RAB36: variants seen among roughly 807,000 people sequenced by gnomAD.
RAB36 encodes RAB36, member RAS oncogene family.
In RAB36, 33 loss-of-function variants were observed where a neutral mutation model predicts 39.3. The ratio of observed to expected loss-of-function variants is 0.84; its 90% CI spans 0.64 to 1.12. RAB36 has a LOEUF of 1.12. RAB36 is among the 50% of genes most tolerant of loss of function. RAB36 has a pLI of 0.00. For missense variants in RAB36, 308 were observed against 355.3 expected (o/e 0.87, Z 1.07); for synonymous variants, 133 against 140.2 (o/e 0.95, Z 0.36).
At chr22:23,159,101 T>G (rs920511430) in intron 8 of RAB36, 62 bp from the exon 9 acceptor site, 66 of 1,591,072 alleles carry the variant, frequency 4.1e-5, no homozygotes, top group Middle Eastern at 3.3e-4. Flanking sequence ...CAGCTGCCTA[T>G]CCCCCTGGGC....
At position 23,146,705 on chromosome 22, in the gene RAB36, G is replaced by T. The variant is rs775850024; in HGVS notation, c.69+20G>T. On this transcript the variant is annotated intron_variant, in intron 2 of 10. Coordinates refer to ENST00000263116, the MANE Select transcript of RAB36 (RefSeq NM_004914.5). ...CCTAAGGTAGAGAGTCATTACGTCT[G>T]CAGTGCTCTCCTGGCCCTGCAGCCA... 6.2e-7 allele frequency: 1 copy of T among 1,612,636 alleles called. No homozygotes were observed. The highest frequency in any genetic ancestry group is 1.1e-5 in the South Asian group (1 of 91,044).
intron 1 of RAB36, chr22:23,146,014 C>G: frequency 2.0e-6 from 2 of 985,046 alleles, no homozygotes; most frequent in Non-Finnish European, 2.4e-6. Flanking sequence ...CTGTGCCATG[C>G]CTCACAGCCC....
downstream of RAB36, among the ~76,000 whole-genome samples, chr22:23,167,691 ACT>A (rs1365913588): frequency 3.3e-5 from 5 of 151,244 alleles, no homozygotes; most frequent in South Asian, 1.0e-3. Context: ...TCATTCATTA[ACT>A]CTTTTTTTAA....
chr22:23,166,772 G>A (rs964002657), downstream of RAB36, among the ~76,000 whole-genome samples: 1 of 152,120 alleles, frequency 6.6e-6, no homozygotes, highest in African/African-American at 2.4e-5. Flanking sequence ...CCAGAGCCCA[G>A]GTCACCCCTG....
intron 3 of RAB36, among the ~76,000 whole-genome samples, chr22:23,150,395 G>A (rs888304586): frequency 2.7e-4 from 40 of 150,136 alleles, no homozygotes; most frequent in Non-Finnish European, 1.5e-4. Flanking sequence ...TCTGCCTCCC[G>A]GGTTCATGCC....
downstream of RAB36, among the ~76,000 whole-genome samples, chr22:23,169,238 G>A (rs778130844): frequency 1.1e-4 from 17 of 152,200 alleles, no homozygotes; most frequent in African/African-American, 2.4e-4. Flanking sequence ...TCTTTGCTCC[G>A]CACTCTGGCT....
chr22:23,150,207 CA>C lies in RAB36; in HGVS notation c.161+54del. On this transcript the variant is annotated intron_variant, in intron 3 of 10. Coordinates refer to ENST00000263116, the MANE Select transcript of RAB36 (RefSeq NM_004914.5). ...AGCAGGTGGCAAGAAGGAATGAGTGCATGAAGCACGTGAAAGAATGAACAAA... is the reference window on the plus strand; with the variant it reads ...AGCAGGTGGCAAGAAGGAATGAGTGCTGAAGCACGTGAAAGAATGAACAAA... The C allele has an allele frequency of 1.5e-6, 2 of 1,376,310 alleles. 1 individual carries two copies. Among genetic ancestry groups the C allele is most frequent in the Non-Finnish European group, 2.0e-6 (2 of 982,044 alleles). 85.3% of individuals were successfully genotyped at this position (1,376,310 alleles called of 1,614,324 possible).
intron 7 of RAB36, among the ~76,000 whole-genome samples, chr22:23,158,425 AT>A (rs1033605540): frequency 6.6e-6 from 1 of 152,308 alleles, no homozygotes; most frequent in Admixed American, 6.5e-5. Context: ...AGTGACATGA[AT>A]TTGGCACTTG....
intron 6 of RAB36, 28 bp from the exon 7 acceptor site, chr22:23,157,964 T>G: frequency 6.2e-7 from 1 of 1,614,096 alleles, no homozygotes; most frequent in Non-Finnish European, 8.5e-7. Context: ...TGGCACTGAT[T>G]GGCTGTTGGC....
downstream of RAB36, among the ~76,000 whole-genome samples, chr22:23,165,956 C>T (rs1187788713): frequency 3.9e-5 from 6 of 151,992 alleles, no homozygotes; most frequent in Admixed American, 3.3e-4. Flanking sequence ...ACCATCCTGG[C>T]TAACATGGTG....
At position 23,145,501 on chromosome 22, in the gene RAB36, G is replaced by A; in HGVS notation, c.-63G>A. On this transcript the variant is annotated 5_prime_UTR_variant, in exon 1 of 11. Coordinates refer to ENST00000263116, the MANE Select transcript of RAB36 (RefSeq NM_004914.5). ...CGTTGCCATGGTGATCGCCGCCGCT[G>A]GCTCAGGCGGACCAGGCCGCGCGGA... is the stretch of plus-strand genomic sequence containing the variant. 6.2e-7 allele frequency: 1 copy of A among 1,606,914 alleles called. No individual in the cohort carries two copies. Among genetic ancestry groups the A allele is most frequent in the Non-Finnish European group, 8.5e-7 (1 of 1,179,712 alleles).
At chr22:23,157,314 A>G (rs2071510556) in intron 6 of RAB36, among the ~76,000 whole-genome samples, 1 of 151,428 alleles carries the variant, frequency 6.6e-6, no homozygotes, top group Admixed American at 6.6e-5. Context: ...GCAGTGGCGC[A>G]ATCTCGGCTC....
At position 23,149,320 on chromosome 22, in the gene RAB36, T is replaced by C. The variant is rs368215162; in HGVS notation, c.70-743T>C. ...CCTGGGCCAATCCAATGGCAAAAAA[T>C]AATGGTCATCTTTAGTTTGTTTAAT... On this transcript the variant is annotated intron_variant, in intron 2 of 10. Transcript: ENST00000263116. Among the ~76,000 whole-genome samples the C allele has an allele frequency of 9.2e-5, 14 of 152,268 alleles. 1 individual carries two copies. The East Asian group carries it at 9.6e-4, about 10-fold the overall frequency.
At position 23,150,113 on chromosome 22, in the gene RAB36, G is replaced by A. The variant is rs1333859057; in HGVS notation, c.120G>A (p.Gln40=). ...CLQLREHFHG[Q]VSAACQRRNT... is the part of the protein sequence containing the mutation. ...AGCTCAGGGAGCACTTCCACGGGCAGGTCAGCGCTGCCTGCCAACGCAGGA... is the reference window on the plus strand; with the variant it reads ...AGCTCAGGGAGCACTTCCACGGGCAAGTCAGCGCTGCCTGCCAACGCAGGA... The change falls in exon 3 of 11, where the codon CAG becomes CAA. Residue 40 remains glutamine (Q), a synonymous_variant. Coordinates refer to ENST00000263116, the MANE Select transcript of RAB36 (RefSeq NM_004914.5). The A allele has an allele frequency of 1.2e-6, 2 of 1,612,596 alleles. No homozygotes were observed. The highest frequency in any genetic ancestry group is 2.7e-5 in the African/African-American group (2 of 74,930).
chr22:23,161,746 A>C lies in RAB36; in HGVS notation c.*182A>C, dbSNP rs2071820200. 5.1e-6 allele frequency: 3 copies of C among 591,878 alleles called. No homozygotes were observed. In the South Asian group the frequency reaches 6.0e-5, roughly 12 times the overall value. The allele number at this position is 591,878 out of a possible 1,614,324, so 36.7% of individuals were successfully genotyped here. A position where few individuals can be genotyped will look rare whatever the true frequency, so the allele number is the denominator to read the frequency against. On this transcript the variant is annotated 3_prime_UTR_variant, in exon 11 of 11. Transcript: ENST00000263116. ...CAGGGCACAGTCACTTGTCCGTTGC[A>C]GGTTGGGCACTAGAAAAGGCCCCCA...
Position 23,153,058 on chromosome 22 carries a change from G to T in RAB36, c.253G>T (p.Asp85Tyr). Residue 85 changes from aspartate (D) to tyrosine (Y), a missense_variant, in exon 5 of 11, where the codon GAC becomes TAC. Transcript: ENST00000263116. ...GTTTTGCAAGAATGTTTTTGATCGA[G>T]ACTACAAGGCCACCATTGGGGTGGA... ...HRFCKNVFDR[D>Y]YKATIGVDFE... The T allele has an allele frequency of 6.2e-7, 1 of 1,614,068 alleles. No individual in the cohort carries two copies. Among genetic ancestry groups the T allele is most frequent in the Non-Finnish European group, 8.5e-7 (1 of 1,179,962 alleles).
intron 3 of RAB36, 38 bp downstream of exon 3, chr22:23,150,192 A>G: frequency 6.7e-7 from 1 of 1,501,810 alleles, no homozygotes; most frequent in Non-Finnish European, 9.2e-7. Context: ...AGCAGGTGGC[A>G]AGAAGGAATG....
chr22:23,167,177 TG>T (rs1289390528), downstream of RAB36, among the ~76,000 whole-genome samples: 1 of 152,062 alleles, frequency 6.6e-6, no homozygotes. Context: ...CCCTCACCCC[TG>T]GGGCTCAATG....
intron 6 of RAB36, 137 bp from the exon 7 acceptor site, chr22:23,157,855 T>C (rs1327548825): frequency 2.6e-6 from 4 of 1,545,710 alleles, no homozygotes; most frequent in Non-Finnish European, 2.6e-6. Context: ...TCAGCCTTCA[T>C]TGTAGGAGGT....
Sources: gnomAD v4.1 joint callset for allele counts (sites outside exome capture counted in the v4.1 genomes callset) on GRCh38, gnomAD v4.1.1 for gene constraint, MANE v1.5 for transcripts, NCBI Gene and HGNC (gene_info 2026-07-23, HGNC 2026-07-21) for gene names.